PTBP2: variants seen among roughly 807,000 people sequenced by gnomAD.
PTBP2 encodes polypyrimidine tract-binding protein 2.
PTBP2 carries 13 observed loss-of-function variants against 61.4 expected under a neutral mutation model. The observed-to-expected ratio is 0.21, with a 90% confidence interval of 0.14 to 0.34. The LOEUF (loss-of-function observed/expected upper bound fraction) is 0.34, where lower values mean the gene tolerates loss of function less well. PTBP2 is among the 10% of genes least tolerant of loss of function. The probability of loss-of-function intolerance (pLI) is 1.00; values close to 1 mark genes in which losing one functional copy is unlikely to be tolerated. For synonymous variants in PTBP2, 215 were observed against 218.5 expected, an observed-to-expected ratio of 0.98 and a Z score of 0.14; for missense variants, 405 against 642.6, an observed-to-expected ratio of 0.63 and a Z score of 4.00.
At chr1:96,757,374 A>G (rs1160685108) in intron 3 of PTBP2, among the ~76,000 whole-genome samples, 1 of 152,228 alleles carries the variant, frequency 6.6e-6, no homozygotes, top group Admixed American at 6.5e-5. Flanking sequence ...ATATTTCACA[A>G]TGTTGAAGGG....
intron 8 of PTBP2, 42 bp from the exon 9 acceptor site, chr1:96,804,758 G>A (rs769760403): frequency 8.9e-6 from 14 of 1,565,274 alleles, no homozygotes; most frequent in Admixed American, 3.7e-5. Flanking sequence ...TGTGTGTTTC[G>A]TAAAATATGC....
At chr1:96,764,306 ATAAAAG>A (rs1656400971) in intron 3 of PTBP2, among the ~76,000 whole-genome samples, 1 of 152,254 alleles carries the variant, frequency 6.6e-6, no homozygotes. Flanking sequence ...TTCAAGAGAT[ATAAAAG>A]TGAAATATTT....
chr1:96,806,355 T>C, intron 9 of PTBP2, 64 bp from the exon 10 acceptor site: 1 of 1,270,668 alleles, frequency 7.9e-7, no homozygotes, highest in Non-Finnish European at 1.2e-6. Context: ...TCTGTTCATC[T>C]CCGCTCTTCC....
At chr1:96,768,887 A>G (rs1657055220) in intron 3 of PTBP2, among the ~76,000 whole-genome samples, 1 of 152,044 alleles carries the variant, frequency 6.6e-6, no homozygotes, top group Non-Finnish European at 1.5e-5. Flanking sequence ...TATCATTTTT[A>G]TAAACTTTAC....
chr1:96,737,680 A>C (rs1447606465), intron 2 of PTBP2, among the ~76,000 whole-genome samples: 1 of 152,172 alleles, frequency 6.6e-6, no homozygotes, highest in Non-Finnish European at 1.5e-5. Flanking sequence ...ATTTTTTGGA[A>C]TGTAGGTTGA....
chr1:96,815,392 CT>C (rs1404928275), downstream of PTBP2: 2 of 152,210 alleles, frequency 1.3e-5, no homozygotes, highest in East Asian at 1.9e-4. Flanking sequence ...AGCATATCTG[CT>C]TTTGCCTTGG....
intron 11 of PTBP2, among the ~76,000 whole-genome samples, chr1:96,812,114 A>G (rs1178196687): frequency 6.6e-6 from 1 of 152,188 alleles, no homozygotes; most frequent in Non-Finnish European, 1.5e-5. Context: ...ACCTGTACAG[A>G]CTGGGAAAGG....
At chr1:96,723,778 TGTCA>T (rs916918300) in intron 2 of PTBP2, among the ~76,000 whole-genome samples, 184 bp downstream of exon 2, 8 of 152,218 alleles carry the variant, frequency 5.3e-5, no homozygotes, top group African/African-American at 1.7e-4. Flanking sequence ...TTTCTAGAAC[TGTCA>T]GTCTGTAAGA....
At position 96,799,294 on chromosome 1, in the gene PTBP2, C is replaced by CTTTTTTTTTTTTT. The variant is rs373815292; in HGVS notation, c.905-5499_905-5487dup. On this transcript the variant is annotated intron_variant, in intron 8 of 13. Transcript: ENST00000674951. ...ATAGCAATCCTCAGAATAGATCAAG[C>CTTTTTTTTTTTTT]TTTTTTTTTTTTTTTTTTTGAGATG... Among the ~76,000 whole-genome samples, 64 of 92,164 alleles carry CTTTTTTTTTTTTT rather than the reference C, an allele frequency of 6.9e-4. 4 individuals carry two copies. The highest frequency in any genetic ancestry group is 1.3e-3 in the East Asian group (4 of 3,090). 60.5% of individuals were successfully genotyped at this position (92,164 alleles called of 152,430 possible).
intron 3 of PTBP2, among the ~76,000 whole-genome samples, chr1:96,759,978 G>T (rs6689214): frequency 6.6e-6 from 1 of 152,028 alleles, no homozygotes; most frequent in African/African-American, 2.4e-5. Context: ...GAGCTTGTGC[G>T]GGGAAACTCT....
chr1:96,725,610 T>C (rs1449664967), intron 2 of PTBP2, among the ~76,000 whole-genome samples: 5 of 152,202 alleles, frequency 3.3e-5, no homozygotes, highest in African/African-American at 1.2e-4. Flanking sequence ...GCAAATCGTT[T>C]TTAAAAATCC....
At chr1:96,784,979 A>T in intron 7 of PTBP2, 80 bp from the exon 8 acceptor site, 2 of 1,146,570 alleles carry the variant, frequency 1.7e-6, no homozygotes, top group Non-Finnish European at 2.4e-6. Flanking sequence ...TTTGTTGTTG[A>T]GTTTTATTAC....
At chr1:96,776,566 C>A (rs959470636) in intron 5 of PTBP2, among the ~76,000 whole-genome samples, 1 of 151,808 alleles carries the variant, frequency 6.6e-6, no homozygotes, top group Admixed American at 6.6e-5. Context: ...CTTTTGTATT[C>A]TCTTTCATTA....
At chr1:96,747,237 C>G (rs1653958584) in intron 2 of PTBP2, among the ~76,000 whole-genome samples, 1 of 152,076 alleles carries the variant, frequency 6.6e-6, no homozygotes, top group African/African-American at 2.4e-5. Flanking sequence ...TTCCTTTGCT[C>G]TTCTGGACAT....
At chr1:96,728,142 A>G (rs895733955) in intron 2 of PTBP2, among the ~76,000 whole-genome samples, 7 of 152,124 alleles carry the variant, frequency 4.6e-5, no homozygotes, top group Non-Finnish European at 1.0e-4. Context: ...ACACAGCACC[A>G]TGCCCAGCTA....
chr1:96,797,671 G>A (rs192593150), intron 8 of PTBP2, among the ~76,000 whole-genome samples: 4 of 151,876 alleles, frequency 2.6e-5, no homozygotes, highest in Non-Finnish European at 4.4e-5. Context: ...GCATAAAATG[G>A]TATAGTGTTT....
chr1:96,801,482 G>T (rs1186494280), intron 8 of PTBP2, among the ~76,000 whole-genome samples: 1 of 152,088 alleles, frequency 6.6e-6, no homozygotes, highest in Non-Finnish European at 1.5e-5. Flanking sequence ...AGTGTATTTT[G>T]CCTCTTTTTA....
chr1:96,785,952 A>G (rs915572952), intron 8 of PTBP2, among the ~76,000 whole-genome samples: 3 of 152,144 alleles, frequency 2.0e-5, no homozygotes, highest in Non-Finnish European at 2.9e-5. Flanking sequence ...TTACTTTGTA[A>G]GTAAAATGTG....
chr1:96,793,661 G>A (rs960045556), intron 8 of PTBP2, among the ~76,000 whole-genome samples: 3 of 152,240 alleles, frequency 2.0e-5, no homozygotes, highest in Non-Finnish European at 4.4e-5. Context: ...ATGAGCCACC[G>A]TGCCTGGCCT....
Sources: gnomAD v4.1 joint callset for allele counts (sites outside exome capture counted in the v4.1 genomes callset) on GRCh38, gnomAD v4.1.1 for gene constraint, MANE v1.5 for transcripts, NCBI Gene and HGNC (gene_info 2026-07-23, HGNC 2026-07-21) for gene names.